The following CLASP1 variants were observed in gnomAD, a reference collection of about 807,000 sequenced individuals.
CLASP1 encodes CLIP-associating protein 1.
CLASP1 carries 38 observed loss-of-function variants against 192.3 expected under a neutral mutation model. The observed-to-expected ratio is 0.20, with a 90% CI of 0.15 to 0.26. CLASP1 has a LOEUF of 0.26. CLASP1 is among the 10% of genes least tolerant of loss of function. The probability of loss-of-function intolerance (pLI) is 1.00; values close to 1 mark genes in which losing one functional copy is unlikely to be tolerated. For synonymous variants in CLASP1, 691 were observed against 712.8 expected, an observed-to-expected ratio of 0.97 and a Z score of 0.49; for missense variants, 1,433 against 1,932.5, an observed-to-expected ratio of 0.74 and a Z score of 4.85.
intron 19 of CLASP1, among the ~76,000 whole-genome samples, chr2:121,442,642 G>A (rs2083543972): frequency 6.6e-6 from 1 of 151,930 alleles, no homozygotes; most frequent in Non-Finnish European, 1.5e-5. Flanking sequence ...ACCACATCTG[G>A]CTAATTTTTG....
At chr2:121,501,078 C>A (rs1487537983) in intron 8 of CLASP1, among the ~76,000 whole-genome samples, 1 of 152,206 alleles carries the variant, frequency 6.6e-6, no homozygotes, top group Non-Finnish European at 1.5e-5. Context: ...TATGTACACA[C>A]TCTTTTAGGC....
intron 23 of CLASP1, among the ~76,000 whole-genome samples, chr2:121,418,258 T>C (rs1453926931): frequency 6.6e-6 from 1 of 152,258 alleles, no homozygotes; most frequent in East Asian, 1.9e-4. Context: ...AAAGATAAAT[T>C]GTAAAAATTC....
chr2:121,487,991 C>A (rs866820478), intron 8 of CLASP1, among the ~76,000 whole-genome samples: 3 of 152,120 alleles, frequency 2.0e-5, no homozygotes, highest in Non-Finnish European at 4.4e-5. Flanking sequence ...CTCAGCAATA[C>A]CCCCACTGTT....
chr2:121,492,718 G>GTAAA (rs2150161547), intron 8 of CLASP1, among the ~76,000 whole-genome samples: 1 of 151,248 alleles, frequency 6.6e-6, no homozygotes, highest in African/African-American at 2.4e-5. Context: ...GGAGAATTTG[G>GTAAA]TAAAGGCTAG....
chr2:121,592,648 TTTTTTTTGTTTG>T (rs974981955), intron 2 of CLASP1, among the ~76,000 whole-genome samples: 3 of 152,018 alleles, frequency 2.0e-5, no homozygotes, highest in African/African-American at 7.2e-5. Flanking sequence ...TAATAACTGT[TTTTTTTTGTTTG>T]TTTTTTTGTT....
chr2:121,512,882 T>G (rs1235448220), intron 7 of CLASP1: 1 of 152,124 alleles, frequency 6.6e-6, no homozygotes, highest in Non-Finnish European at 1.5e-5. Flanking sequence ...TGAAGACATT[T>G]TTAATTTAGA....
intron 25 of CLASP1, among the ~76,000 whole-genome samples, chr2:121,404,914 T>C (rs2076693917): frequency 6.6e-6 from 1 of 152,170 alleles, no homozygotes; most frequent in South Asian, 2.1e-4. Flanking sequence ...ATGTCTATCC[T>C]GCATTTTAAT....
chr2:121,401,804 G>A (rs928221735), intron 27 of CLASP1, 64 bp downstream of exon 28: 10 of 806,638 alleles, frequency 1.2e-5, no homozygotes, highest in Non-Finnish European at 2.0e-5. Context: ...GTTAACAACT[G>A]TTCATAGTAC....
At chr2:121,591,958 G>A (rs548586958) in intron 2 of CLASP1, among the ~76,000 whole-genome samples, 4 of 152,116 alleles carry the variant, frequency 2.6e-5, no homozygotes, top group Middle Eastern at 3.4e-3. Flanking sequence ...TCTCTACTTC[G>A]AGCCATTTTC....
chr2:121,419,483 A>G (rs1005609719), intron 22 of CLASP1, among the ~76,000 whole-genome samples: 1 of 152,202 alleles, frequency 6.6e-6, no homozygotes, highest in African/African-American at 2.4e-5. Flanking sequence ...CCAGTCTTTC[A>G]CACTGTGTCT....
At chr2:121,522,294 T>C (rs753256061) in intron 6 of CLASP1, among the ~76,000 whole-genome samples, 24 of 152,232 alleles carry the variant, frequency 1.6e-4, no homozygotes, top group Non-Finnish European at 2.4e-4. Flanking sequence ...CCTCATCTTA[T>C]GGATGAGGTG....
chr2:121,431,304 G>A (rs568317059), intron 19 of CLASP1, among the ~76,000 whole-genome samples: 12 of 152,264 alleles, frequency 7.9e-5, no homozygotes, highest in African/African-American at 2.4e-4. Context: ...CTATACAGAA[G>A]TGAAAAGCTA....
intron 19 of CLASP1, among the ~76,000 whole-genome samples, chr2:121,441,966 C>T (rs1005292151): frequency 6.6e-6 from 1 of 152,074 alleles, no homozygotes; most frequent in Non-Finnish European, 1.5e-5. Flanking sequence ...TAATTTTTAT[C>T]GTGTAATCTT....
intron 2 of CLASP1, among the ~76,000 whole-genome samples, chr2:121,566,380 T>C (rs145197140): frequency 1.4e-4 from 21 of 152,360 alleles, no homozygotes; most frequent in African/African-American, 4.8e-4. Flanking sequence ...TGCTGCACCA[T>C]ATTTTGTGTT....
chr2:121,413,988 T>C (rs1363087145), intron 23 of CLASP1, among the ~76,000 whole-genome samples, 153 bp downstream of exon 24: 1 of 152,042 alleles, frequency 6.6e-6, no homozygotes, highest in Admixed American at 6.6e-5. Flanking sequence ...ACTATAAACA[T>C]TCAATAACTT....
At chr2:121,385,476 A>C (rs185546417) in intron 32 of CLASP1, among the ~76,000 whole-genome samples, 29 of 152,364 alleles carry the variant, frequency 1.9e-4, no homozygotes, top group Middle Eastern at 3.4e-3. Flanking sequence ...GAGGCCAATT[A>C]AGAAGGAATA....
At chr2:121,598,467 G>A (rs907882944) in intron 2 of CLASP1, among the ~76,000 whole-genome samples, 1 of 152,198 alleles carries the variant, frequency 6.6e-6, no homozygotes, top group Admixed American at 6.5e-5. Context: ...ATTCATATTA[G>A]TTGAATATTT....
chr2:121,478,728 A>C (rs1575269354), intron 8 of CLASP1, among the ~76,000 whole-genome samples: 3 of 72,714 alleles, frequency 4.1e-5, no homozygotes, highest in South Asian at 4.7e-4. Flanking sequence ...CCACACACAC[A>C]CCACACACAC....
chr2:121,605,987 C>T (rs961968693), exon 2 of CLASP1: 28 of 1,097,764 alleles, frequency 2.6e-5, no homozygotes, highest in Admixed American at 4.7e-5. Context: ...CCTCTTTGTT[C>T]GCTGAAGGTT....
Sources: allele counts gnomAD v4.1 joint callset (sites outside exome capture counted in the v4.1 genomes callset), GRCh38; gene constraint gnomAD v4.1.1; transcripts MANE v1.5; gene names NCBI Gene and HGNC (gene_info 2026-07-23, HGNC 2026-07-21).